The following DOCK11 variants were observed in gnomAD, a reference collection of about 807,000 sequenced individuals.
DOCK11 encodes the protein dedicator of cytokinesis 11.
A neutral mutation model predicts 169.1 loss-of-function variants in DOCK11; 70 were observed. The ratio of observed to expected loss-of-function variants is 0.41; its 90% CI spans 0.34 to 0.51. The LOEUF (loss-of-function observed/expected upper bound fraction) is 0.51, where lower values mean the gene tolerates loss of function less well. DOCK11 is among the 20% of genes least tolerant of loss of function. The probability of loss-of-function intolerance (pLI) is 0.10; values close to 1 mark genes in which losing one functional copy is unlikely to be tolerated. For synonymous variants in DOCK11, 529 were observed against 541.3 expected (o/e 0.98, Z 0.32); for missense variants, 1,166 against 1,538.8 (o/e 0.76, Z 4.05).
At chrX:118,539,433 G>A (rs760854212) in intron 1 of DOCK11, among the ~76,000 whole-genome samples, 136 of 110,943 alleles carry the variant, frequency 1.2e-3, no homozygotes, top group African/African-American at 4.2e-3. Context: ...GGGGCTGGGG[G>A]CAAAGTGGGG....
At chrX:118,640,793 T>C (rs1018289198) in intron 38 of DOCK11, among the ~76,000 whole-genome samples, 3 of 18,237 alleles carry the variant, frequency 1.6e-4, no homozygotes, top group African/African-American at 6.4e-4. Flanking sequence ...AGTATGACAC[T>C]GTGAGCCCTC....
intron 42 of DOCK11, among the ~76,000 whole-genome samples, chrX:118,653,016 C>T (rs1314649192): frequency 1.8e-5 from 2 of 112,172 alleles, no homozygotes; most frequent in Non-Finnish European, 3.8e-5. Flanking sequence ...CCAGCCAGTT[C>T]TACTAGTTCC....
chrX:118,606,081 A>AT (rs952643747), intron 24 of DOCK11, among the ~76,000 whole-genome samples: 33,545 of 70,772 alleles, frequency 0.47, 7,996 homozygotes, highest in East Asian at 0.81. Context: ...GAGGAACAGA[A>AT]TTTTTTTTTT....
chrX:118,609,408 G>T, intron 27 of DOCK11, 59 bp downstream of exon 27: 1 of 874,503 alleles, frequency 1.1e-6, no homozygotes, highest in South Asian at 2.7e-5. Flanking sequence ...GTATATATAA[G>T]AATAATATTT....
intron 1 of DOCK11, among the ~76,000 whole-genome samples, chrX:118,537,249 T>A (rs918510277): frequency 3.6e-5 from 4 of 111,273 alleles, no homozygotes; most frequent in Non-Finnish European, 5.7e-5. Context: ...GGTGGCGTGG[T>A]GGTGCAGGGA....
rs11320225 is a variant in DOCK11 at position 118,509,275 on chromosome X, C to CT, written c.102+13213dup. On this transcript the variant is annotated intron_variant, in intron 1 of 52. Coordinates refer to ENST00000276202, the MANE Select transcript of DOCK11 (RefSeq NM_144658.4). The stretch of plus-strand genomic sequence containing the variant: ...GTGGATTGAAGGGGTGAGTTTCTCT[C>CT]TTTTTTTTTTTCTGGAAACAGAGTC... Among the ~76,000 whole-genome samples, 772 of 104,681 alleles carry CT rather than the reference C, an allele frequency of 7.4e-3. 12 individuals are homozygous for CT. Among genetic ancestry groups the CT allele is most frequent in the African/African-American group, 0.025 (713 of 28,845 alleles). 90.9% of individuals were successfully genotyped at this position (104,681 alleles called of 115,157 possible). A position where few individuals can be genotyped will look rare whatever the true frequency, so the allele number is the denominator to read the frequency against.
chrX:118,635,224 T>C (rs1440426567), intron 35 of DOCK11, among the ~76,000 whole-genome samples: 1 of 112,000 alleles, frequency 8.9e-6, no homozygotes, highest in African/African-American at 3.2e-5. Flanking sequence ...TCCATCTTTA[T>C]CATTGAGAGG....
intron 42 of DOCK11, 65 bp from the exon 43 acceptor site, chrX:118,654,537 T>A (rs974239635): frequency 6.9e-5 from 73 of 1,062,672 alleles, no homozygotes; most frequent in Admixed American, 1.4e-4. Flanking sequence ...CAGCATTGGA[T>A]GACAAGCCTT....
intron 32 of DOCK11, among the ~76,000 whole-genome samples, chrX:118,625,277 C>T (rs774830361): frequency 1.8e-5 from 2 of 110,025 alleles, no homozygotes; most frequent in South Asian, 7.9e-4. Context: ...GCCTCAGCCT[C>T]CTGAATAGCT....
chrX:118,624,843 C>G (rs2015062277), intron 32 of DOCK11, among the ~76,000 whole-genome samples, 188 bp downstream of exon 32: 1 of 102,613 alleles, frequency 9.7e-6, no homozygotes, highest in Admixed American at 1.1e-4. Context: ...ACTGTAGTCT[C>G]AAACTCCTGT....
At chrX:118,684,575 CT>C (rs2016819933) in intron 52 of DOCK11, among the ~76,000 whole-genome samples, 1 of 111,005 alleles carries the variant, frequency 9.0e-6, no homozygotes, top group Non-Finnish European at 1.9e-5. Flanking sequence ...CGCCTGGCTG[CT>C]TTTGATTTTT....
chrX:118,572,452 C>T lies in DOCK11; in HGVS notation c.1165C>T (p.Pro389Ser), dbSNP rs750148186. The change falls in exon 11 of 53, where the codon CCA becomes TCA. Residue 389 changes from proline to serine, a missense_variant. Physicochemically the swap from Pro to Ser is moderately conservative, Grantham distance 74. Transcript: ENST00000276202. ...CCAAATTGGAGACAATGCAAAAGGA[C>T]CACCCACAAATGTATGTATGACTTT... ...LGQIGDNAKG[P>S]PTNVEPFFIN... is the part of the protein sequence containing the mutation. 3 of 1,203,628 alleles carry T rather than the reference C, an allele frequency of 2.5e-6. No individual in the cohort carries two copies. The highest frequency in any genetic ancestry group is 3.4e-6 in the Non-Finnish European group (3 of 890,480).
At chrX:118,503,269 C>G (rs1372591981) in intron 1 of DOCK11, among the ~76,000 whole-genome samples, 1 of 110,379 alleles carries the variant, frequency 9.1e-6, no homozygotes, top group African/African-American at 3.3e-5. Context: ...CCACGTTGGC[C>G]AGGCTGATCT....
At chrX:118,532,277 G>C (rs1376730353) in intron 1 of DOCK11, among the ~76,000 whole-genome samples, 1 of 111,656 alleles carries the variant, frequency 9.0e-6, no homozygotes. Context: ...TGGGTTTCTA[G>C]AGAGACAAGA....
At chrX:118,677,469 T>C (rs943679897) in intron 48 of DOCK11, among the ~76,000 whole-genome samples, 1 of 112,079 alleles carries the variant, frequency 8.9e-6, no homozygotes, top group Non-Finnish European at 1.9e-5. Flanking sequence ...GAGCTGATTT[T>C]TAAGGGTAGG....
chrX:118,624,542 C>G lies in DOCK11; in HGVS notation c.3475C>G (p.Gln1159Glu). 8.4e-7 allele frequency: 1 copy of G among 1,188,344 alleles called. No individual in the cohort carries two copies. The highest frequency in any genetic ancestry group is 1.1e-6 in the Non-Finnish European group (1 of 877,029). ...GCTTTCAATAATTATTTTTCAGAAC[C>G]AACAAGCCAAAATAGCACAATTGTA... is the stretch of plus-strand genomic sequence containing the variant. ...AFDTRYQHKN[Q>E]QAKIAQLYLP... The change falls in exon 32 of 53, where the codon CAA becomes GAA. Residue 1159 changes from glutamine (Q) to glutamate (E), a missense_variant. Coordinates refer to ENST00000276202, the MANE Select transcript of DOCK11 (RefSeq NM_144658.4).
At position 118,641,197 on chromosome X, in the gene DOCK11, A is replaced by G. The variant is rs767803669; in HGVS notation, c.4152A>G (p.Thr1384=). ...ESSFTLNHSS[T]TTEADIFHQA... is the part of the protein sequence containing the mutation. ...TTACTTTTTTAATCCTAGGTTCTAC[A>G]ACAACTGAAGCAGACATTTTCCACC... is the stretch of plus-strand genomic sequence containing the variant. The change falls in exon 39 of 53, where the codon ACA becomes ACG. Residue 1384 remains threonine, a synonymous_variant. Coordinates refer to ENST00000276202, the MANE Select transcript of DOCK11 (RefSeq NM_144658.4). 3 of 1,203,868 alleles carry G rather than the reference A, an allele frequency of 2.5e-6. No homozygotes were observed. The highest frequency in any genetic ancestry group is 2.3e-6 in the Non-Finnish European group (2 of 888,345).
intron 45 of DOCK11, among the ~76,000 whole-genome samples, chrX:118,670,267 T>A (rs959040384): frequency 2.7e-5 from 3 of 112,045 alleles, no homozygotes; most frequent in Non-Finnish European, 5.6e-5. Flanking sequence ...GAATCAGTTC[T>A]ACAGGTTTGA....
intron 35 of DOCK11, chrX:118,632,345 A>G (rs2015265327): frequency 8.9e-6 from 1 of 112,089 alleles, no homozygotes; most frequent in African/African-American, 3.2e-5. Context: ...TGTGCCGAAT[A>G]TTCAGTCTTT....
Sources: allele counts gnomAD v4.1 joint callset (sites outside exome capture counted in the v4.1 genomes callset), GRCh38; gene constraint gnomAD v4.1.1; transcripts MANE v1.5; gene names NCBI Gene and HGNC (gene_info 2026-07-23, HGNC 2026-07-21).